The following MACROD2 variants were observed in gnomAD, a reference collection of about 807,000 sequenced individuals.
The protein encoded by MACROD2 is mono-ADP ribosylhydrolase 2, also known as ADP-ribose glycohydrolase MACROD2.
Under a neutral mutation model 70.4 loss-of-function variants are expected in MACROD2, and 36 were observed. That is an observed-to-expected ratio of 0.51 (90% CI 0.39 to 0.68). The LOEUF is 0.68. Among genes scored for constraint, MACROD2 ranks in the 30% least tolerant of loss-of-function variants. The pLI is 0.00. For synonymous variants in MACROD2, 172 were observed against 178.8 expected (o/e 0.96, Z 0.30); for missense variants, 496 against 538.4 (o/e 0.92, Z 0.78).
intron 6 of MACROD2, among the ~76,000 whole-genome samples, chr20:15,417,426 A>T (rs569305616): frequency 2.0e-5 from 3 of 151,500 alleles, no homozygotes; most frequent in Non-Finnish European, 4.4e-5. Flanking sequence ...CCTCATCCCT[A>T]TGAATAATAA....
At chr20:14,739,673 G>T (rs915747198) in intron 5 of MACROD2, among the ~76,000 whole-genome samples, 2 of 152,026 alleles carry the variant, frequency 1.3e-5, no homozygotes, top group Non-Finnish European at 2.9e-5. Context: ...GTGGGATGTT[G>T]TCATAATTAT....
intron 4 of MACROD2, among the ~76,000 whole-genome samples, chr20:14,528,407 G>A (rs2085261817): frequency 6.6e-6 from 1 of 151,474 alleles, no homozygotes; most frequent in South Asian, 2.1e-4. Context: ...ACCCGCCTCG[G>A]CCTCCCAAAG....
At chr20:14,741,234 C>T (rs917415783) in intron 5 of MACROD2, among the ~76,000 whole-genome samples, 1 of 152,118 alleles carries the variant, frequency 6.6e-6, no homozygotes, top group Non-Finnish European at 1.5e-5. Flanking sequence ...ACAGCACATA[C>T]ACAACTTGAT....
chr20:14,925,753 T>C (rs1175382125), intron 5 of MACROD2, among the ~76,000 whole-genome samples: 1 of 152,224 alleles, frequency 6.6e-6, no homozygotes, highest in East Asian at 1.9e-4. Context: ...TATGACCTTT[T>C]TATGTTTATT....
intron 5 of MACROD2, among the ~76,000 whole-genome samples, chr20:14,777,546 A>T (rs1434305367): frequency 1.3e-5 from 2 of 151,958 alleles, no homozygotes; most frequent in Non-Finnish European, 2.9e-5. Context: ...GTTTGCTTGG[A>T]AACTGAAATG....
chr20:14,673,184 G>A (rs6079524), intron 4 of MACROD2, among the ~76,000 whole-genome samples: 3 of 152,172 alleles, frequency 2.0e-5, no homozygotes, highest in Non-Finnish European at 4.4e-5. Flanking sequence ...TATTTGATTA[G>A]GACTTGCGGA....
At chr20:15,757,577 T>C (rs1230488046) in intron 8 of MACROD2, among the ~76,000 whole-genome samples, 3 of 152,190 alleles carry the variant, frequency 2.0e-5, no homozygotes, top group African/African-American at 4.8e-5. Context: ...AATACCTCCA[T>C]GAGTGTCTTA....
intron 2 of MACROD2, among the ~76,000 whole-genome samples, chr20:14,059,539 G>A (rs2053668650): frequency 6.6e-6 from 1 of 152,160 alleles, no homozygotes; most frequent in Admixed American, 6.5e-5. Flanking sequence ...GCTATGTTAG[G>A]TTGGTCAGAG....
rs558538193 is a variant in MACROD2, at chr20:14,537,248, T to C, written c.301+43740T>C. Among the ~76,000 whole-genome samples, 5 of 152,270 alleles carry C rather than the reference T, an allele frequency of 3.3e-5. No homozygotes were observed. In the South Asian group the frequency reaches 1.0e-3, roughly 32 times the overall value. ...AAAACCTGACACAGTGACTCAGATATGATAGTTTATTTGATAGGTAGTTCC... is the reference window on the plus strand; with the variant it reads ...AAAACCTGACACAGTGACTCAGATACGATAGTTTATTTGATAGGTAGTTCC... On this transcript the variant is annotated intron_variant, in intron 4 of 17. Transcript: ENST00000684519.
At chr20:14,966,355 C>A (rs191378699) in intron 5 of MACROD2, among the ~76,000 whole-genome samples, 1 of 152,154 alleles carries the variant, frequency 6.6e-6, no homozygotes, top group African/African-American at 2.4e-5. Flanking sequence ...GCAGGGGGAG[C>A]GTTTGAGCCC....
chr20:15,227,435 A>G (rs1240471154), intron 5 of MACROD2, among the ~76,000 whole-genome samples: 1 of 150,148 alleles, frequency 6.7e-6, no homozygotes, highest in Admixed American at 6.6e-5. Flanking sequence ...ACTTTGCTCA[A>G]TGTTTTTTAT....
chr20:15,701,469 C>A (rs1372530375), intron 8 of MACROD2, among the ~76,000 whole-genome samples: 1 of 152,160 alleles, frequency 6.6e-6, no homozygotes, highest in East Asian at 1.9e-4. Context: ...TTAAGGATAA[C>A]ATCTTCATTC....
rs1428378377 is a variant in MACROD2 at position 15,760,612 on chromosome 20, G to C, written c.646-102133G>C. On this transcript the variant is annotated intron_variant, in intron 8 of 17. Coordinates refer to ENST00000684519, the MANE Select transcript of MACROD2 (RefSeq NM_001351661.2). ...TGCATCTCTGGGGGCAGAGTGCAGGGAGAGAGGGCAGGAGGACTCCCCAGG... is the reference window on the plus strand; with the variant it reads ...TGCATCTCTGGGGGCAGAGTGCAGGCAGAGAGGGCAGGAGGACTCCCCAGG... Among the ~76,000 whole-genome samples the C allele has an allele frequency of 2.0e-5, 3 of 152,176 alleles. No individual in the cohort carries two copies. In the East Asian group the frequency reaches 5.8e-4, roughly 29 times the overall value.
At chr20:14,212,802 T>A (rs2122138174) in intron 3 of MACROD2, among the ~76,000 whole-genome samples, 1 of 151,532 alleles carries the variant, frequency 6.6e-6, no homozygotes, top group African/African-American at 2.4e-5. Context: ...AGAGCTTGAG[T>A]GTTTCTCAAA....
chr20:14,190,066 A>C (rs550769151), intron 3 of MACROD2, among the ~76,000 whole-genome samples: 1 of 152,286 alleles, frequency 6.6e-6, no homozygotes, highest in Admixed American at 6.5e-5. Context: ...TAGGCTCTTG[A>C]GGTGACAAAA....
intron 3 of MACROD2, among the ~76,000 whole-genome samples, chr20:14,137,712 AT>A (rs1241895916): frequency 2.0e-5 from 3 of 152,196 alleles, no homozygotes; most frequent in Non-Finnish European, 4.4e-5. Flanking sequence ...TCTCCATGAC[AT>A]TAGTTTTGGC....
At chr20:15,227,961 G>C (rs6135367) in intron 5 of MACROD2, among the ~76,000 whole-genome samples, 1 of 149,544 alleles carries the variant, frequency 6.7e-6, no homozygotes, top group Non-Finnish European at 1.5e-5. Context: ...GTATCCATCA[G>C]AAAACTTAGA....
At chr20:15,249,053 C>A (rs1476113735) in intron 6 of MACROD2, among the ~76,000 whole-genome samples, 1 of 152,194 alleles carries the variant, frequency 6.6e-6, no homozygotes, top group East Asian at 1.9e-4. Flanking sequence ...CACAGTTTAG[C>A]TGGGGAGCTT....
intron 8 of MACROD2, among the ~76,000 whole-genome samples, chr20:15,769,978 G>T (rs1371964507): frequency 6.6e-6 from 1 of 151,688 alleles, no homozygotes; most frequent in African/African-American, 2.4e-5. Flanking sequence ...ACATGCATGT[G>T]TGTGAGTGCG....
Sources: gnomAD v4.1 joint callset for allele counts (sites outside exome capture counted in the v4.1 genomes callset) on GRCh38, gnomAD v4.1.1 for gene constraint, MANE v1.5 for transcripts, NCBI Gene and HGNC (gene_info 2026-07-23, HGNC 2026-07-21) for gene names.